POT1: variants seen among roughly 807,000 people sequenced by gnomAD.
POT1 encodes the protein protection of telomeres 1, also known as protection of telomeres protein 1.
POT1 carries 47 observed loss-of-function variants against 78.5 expected under a neutral mutation model. That is an observed-to-expected ratio of 0.60 (90% CI 0.47 to 0.76). The LOEUF is 0.76. POT1 is among the 30% of genes least tolerant of loss of function. POT1 has a pLI of 0.00. For missense variants in POT1, 646 were observed against 749.9 expected, an observed-to-expected ratio of 0.86 and a Z score of 1.62; for synonymous variants, 259 against 260.7, an observed-to-expected ratio of 0.99 and a Z score of 0.06.
intron 6 of POT1, among the ~76,000 whole-genome samples, chr7:124,883,835 T>C (rs529950489): frequency 2.6e-5 from 4 of 152,012 alleles, no homozygotes; most frequent in African/African-American, 4.8e-5. Context: ...AAAAATAGAT[T>C]AAATAATTAT....
intron 6 of POT1, among the ~76,000 whole-genome samples, chr7:124,885,985 C>T (rs1410712018): frequency 6.6e-6 from 1 of 151,950 alleles, no homozygotes; most frequent in African/African-American, 2.4e-5. Flanking sequence ...AAAATTAAAA[C>T]TTTACTCCAA....
intron 3 of POT1, among the ~76,000 whole-genome samples, chr7:124,900,097 T>G (rs1393431544): frequency 6.6e-6 from 1 of 152,168 alleles, no homozygotes; most frequent in Non-Finnish European, 1.5e-5. Context: ...ATTTATTATA[T>G]TCATAAACAT....
chr7:124,897,743 A>AG lies in POT1; in HGVS notation c.-40+517dup, dbSNP rs1406290701. ...TGCTTATAGTACCTTTGTGCATACT[A>AG]GAAAAAAAAAGGCAGATGTTGGCCT... On this transcript the variant is annotated intron_variant, in intron 4 of 18. Transcript: ENST00000357628. 8.6e-5 allele frequency among the ~76,000 whole-genome samples: 13 copies of AG among 152,018 alleles called. No individual in the cohort carries two copies. The South Asian group carries it at 2.7e-3, about 32-fold the overall frequency.
At chr7:124,826,934 T>C (rs563969473) in intron 17 of POT1, among the ~76,000 whole-genome samples, 1 of 152,280 alleles carries the variant, frequency 6.6e-6, no homozygotes, top group Non-Finnish European at 1.5e-5. Flanking sequence ...CAAATAATGC[T>C]TCCATAGTGT....
intron 3 of POT1, among the ~76,000 whole-genome samples, chr7:124,907,548 G>T (rs1405160345): frequency 6.6e-6 from 1 of 152,066 alleles, no homozygotes; most frequent in Non-Finnish European, 1.5e-5. Flanking sequence ...GATTTTTAGG[G>T]CAGTGGAAAA....
intron 2 of POT1, among the ~76,000 whole-genome samples, chr7:124,918,943 G>A (rs1797081609): frequency 6.6e-6 from 1 of 152,070 alleles, no homozygotes; most frequent in Non-Finnish European, 1.5e-5. Flanking sequence ...TGGGGAGGAT[G>A]GGCAGGGAGT....
At chr7:124,835,063 G>C (rs1322329547) in intron 15 of POT1, among the ~76,000 whole-genome samples, 1 of 152,078 alleles carries the variant, frequency 6.6e-6, no homozygotes, top group Non-Finnish European at 1.5e-5. Context: ...TGGAGACAGG[G>C]AGGGGAACAT....
chr7:124,873,207 T>C (rs1425313190), intron 6 of POT1, among the ~76,000 whole-genome samples: 1 of 152,292 alleles, frequency 6.6e-6, no homozygotes, highest in Middle Eastern at 3.4e-3. Context: ...GCTTTTGAGG[T>C]CCTTTCCAAA....
At chr7:124,868,402 T>C (rs1477741901) in intron 7 of POT1, among the ~76,000 whole-genome samples, 1 of 152,062 alleles carries the variant, frequency 6.6e-6, no homozygotes, top group Non-Finnish European at 1.5e-5. Context: ...TTAAACCCCA[T>C]TAACATTGCC....
chr7:124,906,985 GC>G (rs1455670756), intron 3 of POT1, among the ~76,000 whole-genome samples: 2 of 152,052 alleles, frequency 1.3e-5, no homozygotes, highest in African/African-American at 4.8e-5. Flanking sequence ...GCATACTGAA[GC>G]CATTCAAACA....
At chr7:124,922,993 T>C (rs1797187962) in intron 2 of POT1, among the ~76,000 whole-genome samples, 1 of 151,534 alleles carries the variant, frequency 6.6e-6, no homozygotes, top group Non-Finnish European at 1.5e-5. Context: ...ACCAACAACA[T>C]ACATACATCT....
intron 2 of POT1, among the ~76,000 whole-genome samples, chr7:124,922,203 G>C (rs547440953): frequency 6.6e-6 from 1 of 152,060 alleles, no homozygotes; most frequent in South Asian, 2.1e-4. Context: ...ATGAATGAAA[G>C]CTAAGAGAAG....
At chr7:124,890,288 A>G (rs1411070828) in intron 6 of POT1, among the ~76,000 whole-genome samples, 1 of 151,974 alleles carries the variant, frequency 6.6e-6, no homozygotes, top group Non-Finnish European at 1.5e-5. Flanking sequence ...CAATCTCATA[A>G]TAAAACTTCA....
intron 6 of POT1, among the ~76,000 whole-genome samples, chr7:124,873,785 G>A (rs772470533): frequency 3.3e-5 from 5 of 152,076 alleles, no homozygotes; most frequent in Non-Finnish European, 7.4e-5. Flanking sequence ...TATAGAGATT[G>A]AAAGGAACAA....
At chr7:124,865,615 G>A (rs1470603779) in intron 7 of POT1, among the ~76,000 whole-genome samples, 1 of 151,654 alleles carries the variant, frequency 6.6e-6, no homozygotes, top group Admixed American at 6.6e-5. Flanking sequence ...CTTCTCTGAT[G>A]AAATTTCTTT....
intron 9 of POT1, 26 bp downstream of exon 9, chr7:124,858,931 T>C (rs2116524737): frequency 6.5e-7 from 1 of 1,534,984 alleles, no homozygotes; most frequent in Non-Finnish European, 8.8e-7. Flanking sequence ...AAACATAAAA[T>C]AACATTTTTT....
At chr7:124,878,444 A>C (rs1444988912) in intron 6 of POT1, among the ~76,000 whole-genome samples, 1 of 152,196 alleles carries the variant, frequency 6.6e-6, no homozygotes, top group Non-Finnish European at 1.5e-5. Context: ...CTTAATAATG[A>C]TGTATTGCAT....
At chr7:124,835,513 G>A in intron 14 of POT1, 99 bp from the exon 15 acceptor site, 1 of 1,266,496 alleles carries the variant, frequency 7.9e-7, no homozygotes, top group Non-Finnish European at 1.1e-6. Context: ...AAGACTAAAG[G>A]AATTGACAGA....
At chr7:124,926,778 C>T (rs926871222) in intron 2 of POT1, among the ~76,000 whole-genome samples, 5 of 152,160 alleles carry the variant, frequency 3.3e-5, no homozygotes, top group Non-Finnish European at 1.5e-5. Context: ...TTTGCAGCAA[C>T]ATGGATAGAA....
Sources: gnomAD v4.1 joint callset for allele counts (sites outside exome capture counted in the v4.1 genomes callset) on GRCh38, gnomAD v4.1.1 for gene constraint, MANE v1.5 for transcripts, NCBI Gene and HGNC (gene_info 2026-07-23, HGNC 2026-07-21) for gene names.